KRTAP1-4: variants seen among roughly 807,000 people sequenced by gnomAD.
The protein encoded by KRTAP1-4 is keratin-associated protein 1-4.
KRTAP1-4 carries 5 observed loss-of-function variants against 8.6 expected under a neutral mutation model. That is an observed-to-expected ratio of 0.58 (90% CI 0.30 to 1.23). The LOEUF is 1.23. Among genes scored for constraint, KRTAP1-4 ranks in the 50% most tolerant of loss-of-function variants. KRTAP1-4 has a pLI of 0.07. For missense variants in KRTAP1-4, 157 were observed against 160.7 expected, an observed-to-expected ratio of 0.98 and a Z score of 0.12; for synonymous variants, 50 against 58.9, an observed-to-expected ratio of 0.85 and a Z score of 0.69.
rs1055376420 is a variant in KRTAP1-4 at position 41,029,989 on chromosome 17, G to C, written c.90C>G (p.Cys30Trp). Residue 30 changes from cysteine to tryptophan, a missense_variant, in exon 1 of 1, where the codon TGC becomes TGG. Transcript: ENST00000377747. ...CETSCCQPSC[C>W]QTSSCGTGCG... ...AGCCGGTTCCGCAGGAGCTGGTCTG[G>C]CAGCAGCTTGGCTGGCAGCAGCTAG... 1 of 1,611,334 alleles carries C rather than the reference G, an allele frequency of 6.2e-7. No individual in the cohort carries two copies.
Position 41,029,927 on chromosome 17 carries a change from C to T in KRTAP1-4, c.152G>A (p.Gly51Asp). The T allele has an allele frequency of 1.2e-6, 2 of 1,607,796 alleles. No homozygotes were observed. The highest frequency in any genetic ancestry group is 1.7e-6 in the Non-Finnish European group (2 of 1,178,222). ...ACGGGTGCTCACAGATCCACCGCTG[C>T]CCTCCTGGCCATAGCCAATGCCACC... ...IGGGIGYGQE[G>D]SGGSVSTRIR... is the part of the protein sequence containing the mutation. The change falls in exon 1 of 1, where the codon GGC becomes GAC. Residue 51 changes from glycine (G) to aspartate (D), a missense_variant. Transcript: ENST00000377747.
chr17:41,029,792 G>A lies in KRTAP1-4; in HGVS notation c.287C>T (p.Ser96Phe). 3 of 1,606,858 alleles carry A rather than the reference G, an allele frequency of 1.9e-6. No homozygotes were observed. Among genetic ancestry groups the A allele is most frequent in the Middle Eastern group, 1.8e-4 (1 of 5,406 alleles). Reference protein sequence around the residue: ...SCCQLHHAEASCCRPSYCGQS... With the variant: ...SCCQLHHAEAFCCRPSYCGQS... ...TCCACAGTAGGACGGGCGGCAGCAG[G>A]AGGCCTCGGCGTGGTGCAGCTGGCA... The change falls in exon 1 of 1, where the codon TCC (serine) becomes TTC (phenylalanine). Residue 96 changes from serine (S) to phenylalanine (F), a missense_variant. Transcript: ENST00000377747.
Position 41,029,879 on chromosome 17 carries a change from C to T in KRTAP1-4, c.200G>A (p.Cys67Tyr), listed in dbSNP as rs1226813811. The change falls in exon 1 of 1, where the codon TGC becomes TAC. Residue 67 changes from cysteine (C) to tyrosine (Y), a missense_variant. Cys to Tyr is a radical substitution (Grantham distance 194). Transcript: ENST00000377747. ...GGGCAGGCAGGTGCCCTCCACGTGG[C>T]AATCTGGGTGGCACCACCTGATACG... is the stretch of plus-strand genomic sequence containing the variant. Reference protein sequence around the residue: ...STRIRWCHPDCHVEGTCLPPC... With the variant: ...STRIRWCHPDYHVEGTCLPPC... 4.5e-5 allele frequency: 73 copies of T among 1,607,014 alleles called. No homozygotes were observed. Among genetic ancestry groups the T allele is most frequent in the Non-Finnish European group, 6.2e-5 (73 of 1,177,430 alleles).
Position 41,030,165 on chromosome 17 carries a change from C to A in KRTAP1-4, c.-87G>T. The A allele has an allele frequency of 6.6e-7, 1 of 1,512,454 alleles. No individual in the cohort carries two copies. The highest frequency in any genetic ancestry group is 8.9e-7 in the Non-Finnish European group (1 of 1,121,356). The allele number at this position is 1,512,454 out of a possible 1,614,324, so 93.7% of individuals were successfully genotyped here. On this transcript the variant is annotated 5_prime_UTR_variant, in exon 1 of 1. It adds an upstream start codon to the 5' untranslated region. Transcript: ENST00000377747. ...CTATATCTGTCCTTTGATATGTTCC[C>A]TAGAGCTGCATATTTACCCAACACC...
chr17:41,029,835 A>G lies in KRTAP1-4; in HGVS notation c.244T>C (p.Cys82Arg), dbSNP rs1204945114. 4.3e-6 allele frequency: 7 copies of G among 1,611,026 alleles called. No homozygotes were observed. Among genetic ancestry groups the G allele is most frequent in the South Asian group, 1.1e-5 (1 of 90,660 alleles). ...TCLPPCYLVS[C>R]TPPSCCQLHH... ...AGCTGGCAGCAGGATGGGGGTGTGC[A>G]GCTTACCAGGTAGCAGGGGGGCAGG... Residue 82 changes from cysteine (C) to arginine (R), a missense_variant, in exon 1 of 1, where the codon TGC (cysteine) becomes CGC (arginine). Transcript: ENST00000377747.
In KRTAP1-4 at chr17:41,029,506, G is replaced by T. The variant is rs571440839; in HGVS notation, c.*207C>A. 6.6e-6 allele frequency among the ~76,000 whole-genome samples: 1 copy of T among 152,218 alleles called. No individual in the cohort carries two copies. The highest frequency in any genetic ancestry group is 1.5e-5 in the Non-Finnish European group (1 of 68,044). On this transcript the variant is annotated 3_prime_UTR_variant, in exon 1 of 1. Transcript: ENST00000377747. The stretch of plus-strand genomic sequence containing the variant: ...CATCCTGGTCCTCTGCTCAAGCAAC[G>T]CAAGCTATCCAGAACACTGATTGAT...
rs1386710599 is a variant in KRTAP1-4 at position 41,030,171 on chromosome 17, C to T, written c.-93G>A. The T allele has an allele frequency of 1.5e-5, 22 of 1,499,052 alleles. No homozygotes were observed. The highest frequency in any genetic ancestry group is 2.0e-5 in the Non-Finnish European group (22 of 1,112,456). The allele number at this position is 1,499,052 out of a possible 1,614,324, so 92.9% of individuals were successfully genotyped here. ...CTGTCCTTTGATATGTTCCCTAGAG[C>T]TGCATATTTACCCAACACCTTTTCT... On this transcript the variant is annotated 5_prime_UTR_variant, in exon 1 of 1. Coordinates refer to ENST00000377747, the MANE Select transcript of KRTAP1-4 (RefSeq NM_001257305.2).
rs1320419076 is a variant in KRTAP1-4 at position 41,030,056 on chromosome 17, C to T, written c.23G>A (p.Gly8Glu). MASCSTS[G>E]TCGSSCCQPS... ...CTGGCAGCAGCTGGAGCCACAGGTC[C>T]CACTGGTGGAACAGCTGGCCATGGT... Residue 8 changes from glycine to glutamate, a missense_variant, in exon 1 of 1, where the codon GGG becomes GAG. Transcript: ENST00000377747. 6.2e-7 allele frequency: 1 copy of T among 1,601,676 alleles called. No homozygotes were observed. The highest frequency in any genetic ancestry group is 2.2e-5 in the East Asian group (1 of 44,450).
rs375887414 is a variant in KRTAP1-4 at position 41,029,436 on chromosome 17, A to T, written c.*277T>A. Among the ~76,000 whole-genome samples, 1 of 152,252 alleles carries T rather than the reference A, an allele frequency of 6.6e-6. No homozygotes were observed. Among genetic ancestry groups the T allele is most frequent in the Non-Finnish European group, 1.5e-5 (1 of 68,032 alleles). On this transcript the variant is annotated 3_prime_UTR_variant, in exon 1 of 1. Coordinates refer to ENST00000377747, the MANE Select transcript of KRTAP1-4 (RefSeq NM_001257305.2). ...GGTCTGAAGATGCATGAGCATCAAG[A>T]GAGAGTTGGGGGAGCAGAGATGTCA...
chr17:41,029,799 C>G lies in KRTAP1-4; in HGVS notation c.280G>C (p.Glu94Gln), dbSNP rs755271290. The part of the protein sequence containing the change: ...PPSCCQLHHA[E>Q]ASCCRPSYCG... ...TAGGACGGGCGGCAGCAGGAGGCCT[C>G]GGCGTGGTGCAGCTGGCAGCAGGAT... The change falls in exon 1 of 1, where the codon GAG becomes CAG. Residue 94 changes from glutamate to glutamine, a missense_variant. Transcript: ENST00000377747. The G allele has an allele frequency of 5.0e-6, 8 of 1,608,284 alleles. No individual in the cohort carries two copies. Among genetic ancestry groups the G allele is most frequent in the Middle Eastern group, 1.9e-4 (1 of 5,366 alleles).
rs769665440 is a variant in KRTAP1-4, at chr17:41,029,727, C to T, written c.352G>A (p.Glu118Lys). 29 of 1,558,862 alleles carry T rather than the reference C, an allele frequency of 1.9e-5. No homozygotes were observed. The highest frequency in any genetic ancestry group is 4.1e-5 in the African/African-American group (3 of 74,012). ...CRPACCCHCCEPTC is the reference protein window; with the variant it reads ...CRPACCCHCCKPTC The stretch of plus-strand genomic sequence containing the variant: ...CAACCTGGCTTTTAGCAGGTGGGCT[C>T]ACAGCAGTGGCAGCAGCAGGCTGGG... The change falls in exon 1 of 1, where the codon GAG becomes AAG. Residue 118 changes from glutamate (E) to lysine (K), a missense_variant. Glu to Lys is a moderately conservative substitution (Grantham distance 56). Coordinates refer to ENST00000377747, the MANE Select transcript of KRTAP1-4 (RefSeq NM_001257305.2).
chr17:41,029,543 T>C lies in KRTAP1-4; in HGVS notation c.*170A>G, dbSNP rs1339529409. 6.6e-6 allele frequency among the ~76,000 whole-genome samples: 1 copy of C among 152,244 alleles called. No individual in the cohort carries two copies. The highest frequency in any genetic ancestry group is 1.5e-5 in the Non-Finnish European group (1 of 68,040). ...GAACACTGATTGATACATCTTTCAG[T>C]AAGTGAATTCGGCACATCCACAGTG... On this transcript the variant is annotated 3_prime_UTR_variant, in exon 1 of 1. Coordinates refer to ENST00000377747, the MANE Select transcript of KRTAP1-4 (RefSeq NM_001257305.2).
At position 41,029,613 on chromosome 17, in the gene KRTAP1-4, A is replaced by C. The variant is rs16968916; in HGVS notation, c.*100T>G. On this transcript the variant is annotated 3_prime_UTR_variant, in exon 1 of 1. Coordinates refer to ENST00000377747, the MANE Select transcript of KRTAP1-4 (RefSeq NM_001257305.2). ...TATCTCTGAGCAGCTTAACAACATCATGGTACTTAGCATCCAAGTAAAATC... is the reference window on the plus strand; with the variant it reads ...TATCTCTGAGCAGCTTAACAACATCCTGGTACTTAGCATCCAAGTAAAATC... The C allele has an allele frequency of 0.03, 42,784 of 1,436,864 alleles. 2,095 individuals are homozygous for C. Among genetic ancestry groups the C allele is most frequent in the East Asian group, 0.17 (6,887 of 39,952 alleles). The allele number at this position is 1,436,864 out of a possible 1,614,324, so 89.0% of individuals were successfully genotyped here.
chr17:41,029,814 G>A lies in KRTAP1-4; in HGVS notation c.265C>T (p.Gln89Ter). The A allele has an allele frequency of 6.2e-7, 1 of 1,611,474 alleles. No individual in the cohort carries two copies. The highest frequency in any genetic ancestry group is 8.5e-7 in the Non-Finnish European group (1 of 1,179,126). The change falls in exon 1 of 1, where the codon CAG becomes TAG. Residue 89 changes from glutamine (Q) to a stop codon, truncating the protein, a stop_gained. Coordinates refer to ENST00000377747, the MANE Select transcript of KRTAP1-4 (RefSeq NM_001257305.2). LOFTEE classifies it high-confidence loss of function. The part of the protein sequence containing the change: ...LVSCTPPSCC[Q>*]LHHAEASCCR... ...CAGGAGGCCTCGGCGTGGTGCAGCT[G>A]GCAGCAGGATGGGGGTGTGCAGCTT...
chr17:41,029,731 G>A lies in KRTAP1-4; in HGVS notation c.348C>T (p.Cys116=), dbSNP rs371646437. 2.4e-4 allele frequency: 378 copies of A among 1,564,704 alleles called. 6 individuals are homozygous for A. In the East Asian group the frequency reaches 4.4e-3, roughly 18 times the overall value. Reference sequence around the variant, plus strand: ...CTGGCTTTTAGCAGGTGGGCTCACAGCAGTGGCAGCAGCAGGCTGGGCGGC... The same window carrying A: ...CTGGCTTTTAGCAGGTGGGCTCACAACAGTGGCAGCAGCAGGCTGGGCGGC... ...SCCRPACCCH[C]CEPTC Residue 116 remains cysteine (C), a synonymous_variant, in exon 1 of 1, where the codon TGC becomes TGT. Transcript: ENST00000377747.
In KRTAP1-4 at chr17:41,029,868, C is replaced by A. The variant is rs770534673; in HGVS notation, c.211G>T (p.Gly71Cys). 3 of 1,608,052 alleles carry A rather than the reference C, an allele frequency of 1.9e-6. No homozygotes were observed. The highest frequency in any genetic ancestry group is 2.5e-6 in the Non-Finnish European group (3 of 1,177,840). The change falls in exon 1 of 1, where the codon GGC becomes TGC. Residue 71 changes from glycine (G) to cysteine (C), a missense_variant. Gly to Cys is a radical substitution (Grantham distance 159). Transcript: ENST00000377747. ...AGGTAGCAGGGGGGCAGGCAGGTGC[C>A]CTCCACGTGGCAATCTGGGTGGCAC... ...RWCHPDCHVE[G>C]TCLPPCYLVS...
At position 41,030,085 on chromosome 17, in the gene KRTAP1-4, A is replaced by T. The variant is rs1386806760; in HGVS notation, c.-7T>A. ...TGGTGGAACAGCTGGCCATGGTGTC[A>T]GGAGTTGGGTTGAGAGCTGTGTTAA... is the stretch of plus-strand genomic sequence containing the variant. On this transcript the variant is annotated 5_prime_UTR_variant, in exon 1 of 1. Transcript: ENST00000377747. 6.3e-7 allele frequency: 1 copy of T among 1,579,294 alleles called. No homozygotes were observed. The highest frequency in any genetic ancestry group is 8.6e-7 in the Non-Finnish European group (1 of 1,161,972).
chr17:41,030,175 A>C lies in KRTAP1-4; in HGVS notation c.-97T>G. On this transcript the variant is annotated 5_prime_UTR_variant, in exon 1 of 1. An upstream start codon of the reference 5' UTR is lost. Transcript: ENST00000377747. ...CCTTTGATATGTTCCCTAGAGCTGC[A>C]TATTTACCCAACACCTTTTCTTGAT... 2 of 1,484,916 alleles carry C rather than the reference A, an allele frequency of 1.3e-6. No individual in the cohort carries two copies. Among genetic ancestry groups the C allele is most frequent in the Non-Finnish European group, 1.8e-6 (2 of 1,102,378 alleles). The allele number at this position is 1,484,916 out of a possible 1,614,324, so 92.0% of individuals were successfully genotyped here.
chr17:41,029,385 A>C lies in KRTAP1-4; in HGVS notation c.*328T>G, dbSNP rs943235892. Among the ~76,000 whole-genome samples, 9 of 152,248 alleles carry C rather than the reference A, an allele frequency of 5.9e-5. No homozygotes were observed. The highest frequency in any genetic ancestry group is 2.2e-4 in the African/African-American group (9 of 41,466). On this transcript the variant is annotated 3_prime_UTR_variant, in exon 1 of 1. Transcript: ENST00000377747. ...CACATTAAAACATTTTATTTGGATTAATCAGAGATATTCAAGGAAAAACCA... is the reference window on the plus strand; with the variant it reads ...CACATTAAAACATTTTATTTGGATTCATCAGAGATATTCAAGGAAAAACCA...
Sources: gnomAD v4.1 joint callset for allele counts (sites outside exome capture counted in the v4.1 genomes callset) on GRCh38, gnomAD v4.1.1 for gene constraint, MANE v1.5 for transcripts, NCBI Gene and HGNC (gene_info 2026-07-23, HGNC 2026-07-21) for gene names.